The following PCDH9 variants were observed in gnomAD, a reference collection of about 807,000 sequenced individuals.
PCDH9 encodes protocadherin-9.
In PCDH9, 24 loss-of-function variants were observed where a neutral mutation model predicts 70.6. That is an observed-to-expected ratio of 0.34 (90% CI 0.25 to 0.48). The LOEUF (loss-of-function observed/expected upper bound fraction) is 0.48, where lower values mean the gene tolerates loss of function less well. Among genes scored for constraint, PCDH9 ranks in the 20% least tolerant of loss-of-function variants. The pLI, the probability that PCDH9 is intolerant of heterozygous loss-of-function variation, is 0.99. For synonymous variants in PCDH9, 562 were observed against 558.5 expected, an observed-to-expected ratio of 1.01 and a Z score of -0.09; for missense variants, 1,281 against 1,503.6, an observed-to-expected ratio of 0.85 and a Z score of 2.45.
intron 4 of PCDH9, among the ~76,000 whole-genome samples, chr13:66,377,191 T>C (rs1956764488): frequency 6.6e-6 from 1 of 152,178 alleles, no homozygotes; most frequent in African/African-American, 2.4e-5. Context: ...AGTCATGTCA[T>C]ATTTAGTAGC....
intron 4 of PCDH9, among the ~76,000 whole-genome samples, chr13:66,448,340 G>C (rs1427285742): frequency 6.6e-6 from 1 of 152,186 alleles, no homozygotes; most frequent in Non-Finnish European, 1.5e-5. Flanking sequence ...AGTGCACGTG[G>C]ATGTGTGCAG....
At chr13:66,979,640 C>T (rs1052892091) in intron 2 of PCDH9, among the ~76,000 whole-genome samples, 1 of 152,102 alleles carries the variant, frequency 6.6e-6, no homozygotes, top group African/African-American at 2.4e-5. Flanking sequence ...CCTTCAAGAT[C>T]TCTACTTTCT....
intron 4 of PCDH9, among the ~76,000 whole-genome samples, chr13:66,403,596 C>T (rs189380598): frequency 1.3e-5 from 2 of 152,122 alleles, no homozygotes; most frequent in African/African-American, 4.8e-5. Context: ...ATACTGAAGA[C>T]TCTAGAGAGC....
intron 3 of PCDH9, among the ~76,000 whole-genome samples, chr13:66,656,412 G>A (rs1476653412): frequency 2.0e-5 from 3 of 152,012 alleles, no homozygotes; most frequent in Non-Finnish European, 4.4e-5. Context: ...AATTAGAAAA[G>A]TTTCCTTTTC....
chr13:66,986,639 T>C (rs966481653), intron 2 of PCDH9, among the ~76,000 whole-genome samples: 2 of 151,986 alleles, frequency 1.3e-5, no homozygotes, highest in African/African-American at 4.8e-5. Context: ...TAGCTAAACA[T>C]CTTATTAATA....
rs7999229 is a variant in PCDH9, at chr13:66,356,310, G to A, written c.3341-51282C>T. Among the ~76,000 whole-genome samples the A allele has an allele frequency of 3.1e-3, 465 of 152,120 alleles. 6 individuals carry two copies. Among genetic ancestry groups the A allele is most frequent in the African/African-American group, 0.011 (441 of 41,538 alleles). On this transcript the variant is annotated intron_variant, in intron 4 of 4. Coordinates refer to ENST00000377865, the MANE Select transcript of PCDH9 (RefSeq NM_203487.3). Reference sequence around the variant, plus strand: ...CTTCATGGAAGTCTTGTATTTTAAAGGATAGTTTGAAACCCACTCTCTAAA... The same window carrying A: ...CTTCATGGAAGTCTTGTATTTTAAAAGATAGTTTGAAACCCACTCTCTAAA...
chr13:66,745,219 T>C (rs2079341229), intron 3 of PCDH9, among the ~76,000 whole-genome samples: 1 of 152,204 alleles, frequency 6.6e-6, no homozygotes, highest in African/African-American at 2.4e-5. Flanking sequence ...TTGATGATGA[T>C]CTGAATGATG....
chr13:66,584,949 G>A (rs1219416558), intron 4 of PCDH9, among the ~76,000 whole-genome samples: 1 of 152,074 alleles, frequency 6.6e-6, no homozygotes, highest in Non-Finnish European at 1.5e-5. Flanking sequence ...GTTATGTAAG[G>A]AAAGTGATAC....
intron 3 of PCDH9, among the ~76,000 whole-genome samples, chr13:66,854,484 G>T (rs1219857899): frequency 6.6e-6 from 1 of 152,034 alleles, no homozygotes; most frequent in African/African-American, 2.4e-5. Flanking sequence ...CAACATTTTT[G>T]CAGTTATTCA....
chr13:67,130,199 A>G (rs1488433219), intron 2 of PCDH9, among the ~76,000 whole-genome samples: 1 of 152,196 alleles, frequency 6.6e-6, no homozygotes, highest in Non-Finnish European at 1.5e-5. Flanking sequence ...GAAACAGGAG[A>G]TAGATGCAGT....
intron 3 of PCDH9, among the ~76,000 whole-genome samples, chr13:66,796,749 A>C (rs1416242590): frequency 1.3e-5 from 2 of 152,178 alleles, no homozygotes; most frequent in Admixed American, 6.6e-5. Flanking sequence ...CACAAAGCCT[A>C]GGAGATATAG....
intron 2 of PCDH9, among the ~76,000 whole-genome samples, chr13:67,059,610 G>A (rs1381268077): frequency 3.3e-5 from 5 of 151,182 alleles, no homozygotes; most frequent in African/African-American, 7.3e-5. Flanking sequence ...AGGCACATAC[G>A]GCTCAAGTGT....
chr13:66,459,200 T>C (rs955758431), intron 4 of PCDH9, among the ~76,000 whole-genome samples: 2 of 151,984 alleles, frequency 1.3e-5, no homozygotes, highest in African/African-American at 4.8e-5. Context: ...GTGGAGAGGT[T>C]GACCCAGAGG....
chr13:66,397,458 A>G lies in PCDH9; in HGVS notation c.3341-92430T>C, dbSNP rs566278670. ...TATACATATATGTGTGTGTGTGTGT[A>G]TATATATATGTGTGTGTGTGTATAT... On this transcript the variant is annotated intron_variant, in intron 4 of 4. Transcript: ENST00000377865. Among the ~76,000 whole-genome samples the G allele has an allele frequency of 7.6e-4, 54 of 70,846 alleles. 1 individual carries two copies. The highest frequency in any genetic ancestry group is 2.3e-3 in the African/African-American group (46 of 20,226). The allele number at this position is 70,846 out of a possible 152,430, so 46.5% of individuals were successfully genotyped here.
intron 4 of PCDH9, among the ~76,000 whole-genome samples, chr13:66,308,363 A>T (rs890005873): frequency 2.0e-5 from 3 of 152,122 alleles, no homozygotes; most frequent in African/African-American, 4.8e-5. Flanking sequence ...CCCATGATTC[A>T]TTCCTGTAAG....
At chr13:66,922,525 C>A (rs1331798477) in intron 2 of PCDH9, among the ~76,000 whole-genome samples, 1 of 151,430 alleles carries the variant, frequency 6.6e-6, no homozygotes, top group African/African-American at 2.4e-5. Context: ...AGTAATAGGA[C>A]AAACTTATTC....
intron 3 of PCDH9, among the ~76,000 whole-genome samples, chr13:66,695,702 C>T (rs1420246518): frequency 1.3e-5 from 2 of 152,072 alleles, no homozygotes; most frequent in East Asian, 3.9e-4. Context: ...TTTATTTTAA[C>T]ATTTTAGCTC....
intron 2 of PCDH9, among the ~76,000 whole-genome samples, chr13:67,020,194 A>T (rs1341355681): frequency 6.6e-6 from 1 of 152,140 alleles, no homozygotes; most frequent in Non-Finnish European, 1.5e-5. Flanking sequence ...TATGGGGAAA[A>T]AAAGCAAAAT....
intron 3 of PCDH9, among the ~76,000 whole-genome samples, chr13:66,813,086 C>T (rs1051505009): frequency 6.6e-6 from 1 of 152,130 alleles, no homozygotes; most frequent in African/African-American, 2.4e-5. Context: ...TATTTCCTGA[C>T]AGGAGCATTA....
Sources: allele counts gnomAD v4.1 joint callset (sites outside exome capture counted in the v4.1 genomes callset), GRCh38; gene constraint gnomAD v4.1.1; transcripts MANE v1.5; gene names NCBI Gene and HGNC (gene_info 2026-07-23, HGNC 2026-07-21).